TBXAS1: variants seen among roughly 807,000 people sequenced by gnomAD.
TBXAS1 encodes the protein thromboxane-A synthase.
A neutral mutation model predicts 60.7 loss-of-function variants in TBXAS1; 48 were observed. That is an observed-to-expected ratio of 0.79 (90% CI 0.63 to 1.01). The LOEUF (loss-of-function observed/expected upper bound fraction) is 1.01. Among genes scored for constraint, TBXAS1 ranks in the 50% least tolerant of loss-of-function variants. TBXAS1 has a pLI of 0.00. For missense variants in TBXAS1, 685 were observed against 686.3 expected (o/e 1.00, Z 0.02); for synonymous variants, 287 against 269.7 (o/e 1.06, Z -0.63).
At position 139,975,155 on chromosome 7, in the gene TBXAS1, G is replaced by A. The variant is rs78396607; in HGVS notation, c.1134+12922G>A. 0.074 allele frequency among the ~76,000 whole-genome samples: 11,241 copies of A among 152,130 alleles called. 535 individuals carry two copies. The highest frequency in any genetic ancestry group is 0.13 in the African/African-American group (5,497 of 41,462). ...GCCTTCAACCGATTGGATGAGGCACGCCCATATTATTGAGGATAATCTCCT... is the reference window on the plus strand; with the variant it reads ...GCCTTCAACCGATTGGATGAGGCACACCCATATTATTGAGGATAATCTCCT... On this transcript the variant is annotated intron_variant, in intron 9 of 12. Transcript: ENST00000448866. This position sits in a 1 kb window ranked among gnomAD's most constrained non-coding sequence, Gnocchi z 4.4.
intron 9 of TBXAS1, among the ~76,000 whole-genome samples, chr7:139,987,895 G>A (rs750408679): frequency 2.0e-5 from 3 of 152,188 alleles, no homozygotes; most frequent in Non-Finnish European, 2.9e-5. Context: ...GGCCCTAGGG[G>A]GCAGTAGCAC....
chr7:139,921,817 A>G (rs1356814300), intron 4 of TBXAS1, among the ~76,000 whole-genome samples: 1 of 152,194 alleles, frequency 6.6e-6, no homozygotes, highest in Non-Finnish European at 1.5e-5. Context: ...TTAGGTTGTT[A>G]TATCAACAGG....
Position 139,962,494 on chromosome 7 carries a change from G to A in TBXAS1, c.1134+261G>A, listed in dbSNP as rs563245414. Reference sequence around the variant, plus strand: ...TAGTCCATGAAGCCAGGCCTGGCTCGAGGAAGCTGTGGAAGCCCAGGAAGG... The same window carrying A: ...TAGTCCATGAAGCCAGGCCTGGCTCAAGGAAGCTGTGGAAGCCCAGGAAGG... On this transcript the variant is annotated intron_variant, in intron 9 of 12. Coordinates refer to ENST00000448866, the MANE Select transcript of TBXAS1 (RefSeq NM_001061.7). 105 of 424,054 alleles carry A rather than the reference G, an allele frequency of 2.5e-4. 1 individual carries two copies. Among genetic ancestry groups the A allele is most frequent in the Admixed American group, 2.5e-4 (7 of 28,060 alleles). The allele number at this position is 424,054 out of a possible 1,614,324, so 26.3% of individuals were successfully genotyped here. A position where few individuals can be genotyped will look rare whatever the true frequency, so the allele number is the denominator to read the frequency against.
At chr7:139,941,990 C>T (rs1248063581) in intron 5 of TBXAS1, among the ~76,000 whole-genome samples, 1 of 152,154 alleles carries the variant, frequency 6.6e-6, no homozygotes, top group Non-Finnish European at 1.5e-5. Flanking sequence ...TTGTATATTC[C>T]TCTAAGCTGT....
In TBXAS1 at chr7:139,979,177, T is replaced by C. The variant is rs1043269103; in HGVS notation, c.1134+16944T>C. On this transcript the variant is annotated intron_variant, in intron 9 of 12. Coordinates refer to ENST00000448866, the MANE Select transcript of TBXAS1 (RefSeq NM_001061.7). ...TGGCACACCACTAGGAATTCTGTTTTCTTACCACCACCGGAGCCAGGTCTC... is the reference window on the plus strand; with the variant it reads ...TGGCACACCACTAGGAATTCTGTTTCCTTACCACCACCGGAGCCAGGTCTC... 5.3e-5 allele frequency among the ~76,000 whole-genome samples: 8 copies of C among 152,242 alleles called. No homozygotes were observed. The East Asian group carries it at 1.5e-3, about 29-fold the overall frequency.
rs1797978570 is a variant in TBXAS1 at position 139,809,628 on chromosome 7, G to C, written c.-79-19684G>C. On this transcript the variant is annotated intron_variant, in intron 4 of 16. Transcript: ENST00000336425. ...ACTCTCAGTCCGAGGCTGAAGGCTT[G>C]AGAACTTGAGGGGGTCTGCTGGTAC... 2.0e-5 allele frequency among the ~76,000 whole-genome samples: 3 copies of C among 152,150 alleles called. No individual in the cohort carries two copies. In the South Asian group the frequency reaches 6.2e-4, roughly 32 times the overall value.
At chr7:139,905,039 C>CTTTCTTTCTTTT (rs1569511446) in intron 3 of TBXAS1, among the ~76,000 whole-genome samples, 17 of 86,564 alleles carry the variant, frequency 2.0e-4, no homozygotes, top group Non-Finnish European at 3.3e-4. Context: ...TTCTTTCTTT[C>CTTTCTTTCTTTT]TTTCTTTCTT....
chr7:139,921,059 C>T (rs1017135472), intron 4 of TBXAS1, among the ~76,000 whole-genome samples: 3 of 152,124 alleles, frequency 2.0e-5, no homozygotes, highest in Non-Finnish European at 2.9e-5. Flanking sequence ...TCAAGTCTGT[C>T]GAAATTAAAT....
chr7:139,906,838 G>T (rs1235625454), intron 3 of TBXAS1, among the ~76,000 whole-genome samples: 1 of 152,126 alleles, frequency 6.6e-6, no homozygotes, highest in East Asian at 1.9e-4. Flanking sequence ...GTTTACACAT[G>T]TTCATTGTTA....
chr7:139,893,325 GACACACACACACAC>G (rs71170920), intron 3 of TBXAS1, among the ~76,000 whole-genome samples: 46 of 139,974 alleles, frequency 3.3e-4, no homozygotes, highest in East Asian at 2.1e-3. Context: ...CTATGGAATA[GACACACACACACAC>G]ACACACACAC....
chr7:140,007,138 C>T lies in TBXAS1; in HGVS notation c.1182C>T (p.Asp394=), dbSNP rs1387416966. 1.9e-6 allele frequency: 3 copies of T among 1,614,158 alleles called. No homozygotes were observed. The highest frequency in any genetic ancestry group is 2.2e-5 in the South Asian group (2 of 91,088). The change falls in exon 10 of 13, where the codon GAC becomes GAT. Residue 394 remains aspartate, a synonymous_variant. Transcript: ENST00000448866. The part of the protein sequence containing the change: ...CSLEEGLPYL[D]MVIAETLRMY... The stretch of plus-strand genomic sequence containing the variant: ...TCGAGGAAGGCCTGCCCTATCTGGA[C>T]ATGGTGATTGCAGAGACGCTGAGGA...
At position 139,822,546 on chromosome 7, in the gene TBXAS1, C is replaced by T. The variant is rs73158642; in HGVS notation, c.-79-6766C>T. Reference sequence around the variant, plus strand: ...TCCCGAGCATCTTAATCTGTGGGGCCGCAAGAGGCCTCGTGCTCAGCGTGC... The same window carrying T: ...TCCCGAGCATCTTAATCTGTGGGGCTGCAAGAGGCCTCGTGCTCAGCGTGC... On this transcript the variant is annotated intron_variant, in intron 4 of 16. Coordinates refer to the TBXAS1 transcript ENST00000336425. Among the ~76,000 whole-genome samples, 662 of 152,296 alleles carry T rather than the reference C, an allele frequency of 4.3e-3. 5 individuals are homozygous for T. The highest frequency in any genetic ancestry group is 6.9e-3 in the Non-Finnish European group (468 of 68,030).
At chr7:139,936,923 G>A (rs1285002541) in intron 5 of TBXAS1, among the ~76,000 whole-genome samples, 1 of 152,084 alleles carries the variant, frequency 6.6e-6, no homozygotes, top group Non-Finnish European at 1.5e-5. Context: ...TCAAGGGAAG[G>A]GCAGGCTCCA....
intron 4 of TBXAS1, among the ~76,000 whole-genome samples, chr7:139,922,764 A>T (rs940721264): frequency 1.2e-4 from 19 of 152,158 alleles, no homozygotes; most frequent in African/African-American, 4.6e-4. Context: ...CACTATTGGG[A>T]CTATGATCTA....
intron 1 of TBXAS1, among the ~76,000 whole-genome samples, chr7:139,868,518 C>G (rs1223679985): frequency 2.0e-5 from 3 of 151,462 alleles, no homozygotes; most frequent in Admixed American, 2.0e-4. Context: ...GGGTTTTGCT[C>G]TGTTGCCCAG....
At position 139,852,732 on chromosome 7, in the gene TBXAS1, T is replaced by C. The variant is rs1295372281; in HGVS notation, c.90-19503T>C. On this transcript the variant is annotated intron_variant, in intron 1 of 12. Transcript: ENST00000448866. The surrounding 1 kb of genome is among the most constrained non-coding windows in gnomAD (Gnocchi z 4.4). Reference sequence around the variant, plus strand: ...TGTCTGCCAAGCTCAAAGGCAAAATTGGTATTTCCCAGGCCTTTTGGACGG... The same window carrying C: ...TGTCTGCCAAGCTCAAAGGCAAAATCGGTATTTCCCAGGCCTTTTGGACGG... 1.3e-5 allele frequency among the ~76,000 whole-genome samples: 2 copies of C among 152,146 alleles called. No individual in the cohort carries two copies. The highest frequency in any genetic ancestry group is 2.9e-5 in the Non-Finnish European group (2 of 68,036).
intron 5 of TBXAS1, among the ~76,000 whole-genome samples, chr7:139,938,552 A>G (rs1807998284): frequency 1.3e-5 from 2 of 152,204 alleles, no homozygotes; most frequent in Non-Finnish European, 2.9e-5. Flanking sequence ...AAGGGCCTGC[A>G]TCTTAAAGCT....
intron 5 of TBXAS1, among the ~76,000 whole-genome samples, chr7:139,950,033 T>C (rs370433649): frequency 1.6e-4 from 21 of 131,260 alleles, no homozygotes; most frequent in African/African-American, 6.1e-4. Context: ...TTGCAGGTGA[T>C]GGGATTTTTT....
intron 9 of TBXAS1, among the ~76,000 whole-genome samples, chr7:139,977,494 G>A (rs1245336203): frequency 6.6e-5 from 10 of 152,092 alleles, no homozygotes; most frequent in African/African-American, 2.4e-4. Context: ...TTCAAGACGA[G>A]GTTTGGGTGA....
Sources: gnomAD v4.1 joint callset for allele counts (sites outside exome capture counted in the v4.1 genomes callset) on GRCh38, gnomAD v4.1.1 for gene constraint, Gnocchi (gnomAD v3.1) non-coding constraint, MANE v1.5 for transcripts, NCBI Gene and HGNC (gene_info 2026-07-23, HGNC 2026-07-21) for gene names.